Variants in MRPL19 observed in about 807,000 individuals in gnomAD.
MRPL19 encodes large ribosomal subunit protein bL19m.
In MRPL19, 31 loss-of-function variants were observed where a neutral mutation model predicts 34.0. That is an observed-to-expected ratio of 0.91 (90% confidence interval 0.68 to 1.23). The LOEUF is 1.23. MRPL19 is among the 50% of genes most tolerant of loss of function. The pLI is 0.00. For missense variants in MRPL19, 384 were observed against 367.6 expected, an observed-to-expected ratio of 1.04 and a Z score of -0.37; for synonymous variants, 152 against 127.7, an observed-to-expected ratio of 1.19 and a Z score of -1.28.
rs190009412 is a variant in MRPL19 at position 75,658,089 on chromosome 2, C to G, written c.*2804C>G. On this transcript the variant is annotated 3_prime_UTR_variant, in exon 6 of 6. Transcript: ENST00000393909. ...GGTAACCTCAAATCTTTCTTTTTATCTTTGAGACAAGGTCTCATTCTATCA... is the reference window on the plus strand; with the variant it reads ...GGTAACCTCAAATCTTTCTTTTTATGTTTGAGACAAGGTCTCATTCTATCA... Among the ~76,000 whole-genome samples the G allele has an allele frequency of 6.6e-6, 1 of 152,140 alleles. No individual in the cohort carries two copies. The highest frequency in any genetic ancestry group is 1.5e-5 in the Non-Finnish European group (1 of 67,976).
At chr2:75,651,441 C>T (rs548351999) in intron 2 of MRPL19, 10 of 536,738 alleles carry the variant, frequency 1.9e-5, no homozygotes, top group South Asian at 1.4e-4. Flanking sequence ...CTGGACTCAT[C>T]ATTGCAATGA....
At chr2:75,647,477 A>G (rs1678249194) in intron 2 of MRPL19, 3 of 478,752 alleles carry the variant, frequency 6.3e-6, no homozygotes, top group South Asian at 5.6e-5. Context: ...TCTCTGTGGT[A>G]TTTGTCCTGT....
chr2:75,647,088 G>C lies in MRPL19; in HGVS notation c.104-14G>C. 6.4e-7 allele frequency: 1 copy of C among 1,572,192 alleles called. No homozygotes were observed. The highest frequency in any genetic ancestry group is 1.2e-5 in the South Asian group (1 of 85,970). On this transcript the variant is annotated splice_polypyrimidine_tract_variant and intron_variant, in intron 1 of 5. Coordinates refer to ENST00000393909, the MANE Select transcript of MRPL19 (RefSeq NM_014763.4). ...TGGCACGAGAGTTCTGACCTCCGTCGTCCGCTCCCGCAGGGGTCCACGCGG... is the reference window on the plus strand; with the variant it reads ...TGGCACGAGAGTTCTGACCTCCGTCCTCCGCTCCCGCAGGGGTCCACGCGG...
chr2:75,651,278 G>A (rs1678327105), intron 2 of MRPL19: 59 of 504,974 alleles, frequency 1.2e-4, no homozygotes, highest in South Asian at 8.3e-4. Flanking sequence ...TCAGGGACAC[G>A]ATGTGCTGCA....
rs113977359 is a variant in MRPL19 at position 75,647,635 on chromosome 2, A to G, written c.221+416A>G. On this transcript the variant is annotated intron_variant, in intron 2 of 5. Coordinates refer to ENST00000393909, the MANE Select transcript of MRPL19 (RefSeq NM_014763.4). ...TGGTTTAGGTTGGAAGTTTTGGCAG[A>G]CAAAGCACAGTAAAACTGGCCACTA... is the stretch of plus-strand genomic sequence containing the variant. 4.9e-3 allele frequency: 785 copies of G among 158,972 alleles called. 7 individuals are homozygous for G. Among genetic ancestry groups the G allele is most frequent in the African/African-American group, 0.016 (665 of 41,854 alleles). The allele number at this position is 158,972 out of a possible 1,614,324, so 9.8% of individuals were successfully genotyped here. A position where few individuals can be genotyped will look rare whatever the true frequency, so the allele number is the denominator to read the frequency against.
intron 2 of MRPL19, chr2:75,651,311 T>C (rs1203359155): frequency 3.8e-6 from 2 of 520,324 alleles, no homozygotes; most frequent in African/African-American, 3.9e-5. Flanking sequence ...GATTTGTAGG[T>C]CTCTCCTCGA....
chr2:75,659,409 A>G lies in MRPL19; in HGVS notation c.*4124A>G, dbSNP rs1372470257. Among the ~76,000 whole-genome samples the G allele has an allele frequency of 6.6e-6, 1 of 152,134 alleles. No homozygotes were observed. The highest frequency in any genetic ancestry group is 2.4e-5 in the African/African-American group (1 of 41,434). ...AGGAAATAAAAAGTGGAGTTAGAAA[A>G]CAGTATGATAGTAATACTGACTTTT... On this transcript the variant is annotated 3_prime_UTR_variant, in exon 6 of 6. Coordinates refer to ENST00000393909, the MANE Select transcript of MRPL19 (RefSeq NM_014763.4).
Position 75,659,984 on chromosome 2 carries a change from T to C in MRPL19, c.*4699T>C, listed in dbSNP as rs1412762000. Among the ~76,000 whole-genome samples, 2 of 152,192 alleles carry C rather than the reference T, an allele frequency of 1.3e-5. No homozygotes were observed. Among genetic ancestry groups the C allele is most frequent in the Admixed American group, 1.3e-4 (2 of 15,266 alleles). ...CTGCTTCTTTCTTTTCCTTCTGAAA[T>C]ATTCTTAATGTATATGTTGGTCTGT... is the stretch of plus-strand genomic sequence containing the variant. On this transcript the variant is annotated 3_prime_UTR_variant, in exon 6 of 6. Transcript: ENST00000393909.
At chr2:75,650,276 TAAA>T (rs998146807) in intron 2 of MRPL19, among the ~76,000 whole-genome samples, 2 of 136,094 alleles carry the variant, frequency 1.5e-5, no homozygotes, top group Non-Finnish European at 3.2e-5. Flanking sequence ...TAAAATCAGT[TAAA>T]GAAGAAAAAA....
Position 75,659,199 on chromosome 2 carries a change from G to A in MRPL19, c.*3914G>A, listed in dbSNP as rs1402517369. On this transcript the variant is annotated 3_prime_UTR_variant, in exon 6 of 6. Transcript: ENST00000393909. Reference sequence around the variant, plus strand: ...GATGTTTTATTTGTGGTTGCTATGGGGATTATAGTTAACATCCTACACTTA... The same window carrying A: ...GATGTTTTATTTGTGGTTGCTATGGAGATTATAGTTAACATCCTACACTTA... Among the ~76,000 whole-genome samples the A allele has an allele frequency of 6.6e-6, 1 of 151,460 alleles. No homozygotes were observed. The highest frequency in any genetic ancestry group is 2.4e-5 in the African/African-American group (1 of 41,188).
Position 75,661,179 on chromosome 2 carries a change from G to A in MRPL19, c.*5894G>A, listed in dbSNP as rs111982426. 1 of 152,130 alleles carries A rather than the reference G, an allele frequency of 6.6e-6. No individual in the cohort carries two copies. Among genetic ancestry groups the A allele is most frequent in the African/African-American group, 2.4e-5 (1 of 41,430 alleles). The allele number at this position is 152,130 out of a possible 1,614,324, so 9.4% of individuals were successfully genotyped here. A position where few individuals can be genotyped will look rare whatever the true frequency, so the allele number is the denominator to read the frequency against. On this transcript the variant is annotated 3_prime_UTR_variant, in exon 6 of 6. Transcript: ENST00000393909. ...ACTGCTGCAACACCAGGGAGCTTGT[G>A]GGGGAAGGGCAAGCAGAAATGTCAC...
At chr2:75,654,593 A>G (rs1678397400) in intron 4 of MRPL19, 143 bp from the exon 5 acceptor site, 1 of 643,288 alleles carries the variant, frequency 1.6e-6, no homozygotes, top group Admixed American at 3.3e-5. Flanking sequence ...AGTAATCTTT[A>G]TCTTAAAAAT....
Position 75,646,880 on chromosome 2 carries a change from C to G in MRPL19, c.73C>G (p.Leu25Val). 6.3e-7 allele frequency: 1 copy of G among 1,594,180 alleles called. No homozygotes were observed. Among genetic ancestry groups the G allele is most frequent in the Non-Finnish European group, 8.5e-7 (1 of 1,170,774 alleles). ...CCGGAGTTTCCAAGCCGCCAGGACT[C>G]TGCTCCCCCCGCCGGCCTCTATCGC... ...LGRSFQAART[L>V]LPPPASIACR... Residue 25 changes from leucine (L) to valine (V), a missense_variant, in exon 1 of 6, where the codon CTG becomes GTG. Physicochemically the swap from Leu to Val is conservative, Grantham distance 32 (BLOSUM62 1). Coordinates refer to ENST00000393909, the MANE Select transcript of MRPL19 (RefSeq NM_014763.4).
rs1678429265 is a variant in MRPL19 at position 75,655,496 on chromosome 2, T to C, written c.*211T>C. Reference sequence around the variant, plus strand: ...ACATGCCAAATGGACCAATGTCCATTTGCTTATTGGAGGCAAAGCTACAAT... The same window carrying C: ...ACATGCCAAATGGACCAATGTCCATCTGCTTATTGGAGGCAAAGCTACAAT... On this transcript the variant is annotated 3_prime_UTR_variant, in exon 6 of 6. Coordinates refer to ENST00000393909, the MANE Select transcript of MRPL19 (RefSeq NM_014763.4). The C allele has an allele frequency of 2.3e-6, 1 of 438,112 alleles. No individual in the cohort carries two copies. Among genetic ancestry groups the C allele is most frequent in the African/African-American group, 2.0e-5 (1 of 48,994 alleles). 27.1% of individuals were successfully genotyped at this position (438,112 alleles called of 1,614,324 possible). A position where few individuals can be genotyped will look rare whatever the true frequency, so the allele number is the denominator to read the frequency against.
chr2:75,652,094 A>T, intron 2 of MRPL19, 48 bp from the exon 3 acceptor site: 1 of 1,129,476 alleles, frequency 8.9e-7, no homozygotes, highest in Non-Finnish European at 1.3e-6. Flanking sequence ...TTTTTCTTCT[A>T]GCAGCCTTTT....
chr2:75,651,913 T>A (rs1558719880), intron 2 of MRPL19: 1 of 313,326 alleles, frequency 3.2e-6, no homozygotes, highest in East Asian at 6.5e-5. Flanking sequence ...GAAGGATTAA[T>A]TTATGCTATA....
In MRPL19 at chr2:75,655,459, A is replaced by C; in HGVS notation, c.*174A>C. On this transcript the variant is annotated 3_prime_UTR_variant, in exon 6 of 6. Coordinates refer to ENST00000393909, the MANE Select transcript of MRPL19 (RefSeq NM_014763.4). ...CTTGTACACCAGTTTATTACTCTAA[A>C]AAGAGAATTACACATGCCAAATGGA... The C allele has an allele frequency of 1.9e-6, 1 of 540,520 alleles. No individual in the cohort carries two copies. Among genetic ancestry groups the C allele is most frequent in the Non-Finnish European group, 3.2e-6 (1 of 313,908 alleles). 33.5% of individuals were successfully genotyped at this position (540,520 alleles called of 1,614,324 possible).
chr2:75,647,392 A>G, intron 2 of MRPL19, 173 bp downstream of exon 2: 2 of 616,446 alleles, frequency 3.2e-6, no homozygotes, highest in Non-Finnish European at 5.5e-6. Flanking sequence ...CTTCTCCCCA[A>G]GCCAGCATTG....
In MRPL19 at chr2:75,659,870, T is replaced by TA. The variant is rs1558723659; in HGVS notation, c.*4586dup. 1.3e-5 allele frequency among the ~76,000 whole-genome samples: 2 copies of TA among 152,278 alleles called. No individual in the cohort carries two copies. The highest frequency in any genetic ancestry group is 2.1e-4 in the South Asian group (1 of 4,828). On this transcript the variant is annotated 3_prime_UTR_variant, in exon 6 of 6. Coordinates refer to ENST00000393909, the MANE Select transcript of MRPL19 (RefSeq NM_014763.4). ...TGTGGGTCTCTGAGTTTATCCCACTTAGAGTTTGTTGAGTTTCTTGGAGTC... is the reference window on the plus strand; with the variant it reads ...TGTGGGTCTCTGAGTTTATCCCACTTAAGAGTTTGTTGAGTTTCTTGGAGTC...
Sources: gnomAD v4.1 joint callset for allele counts (sites outside exome capture counted in the v4.1 genomes callset) on GRCh38, gnomAD v4.1.1 for gene constraint, MANE v1.5 for transcripts, NCBI Gene and HGNC (gene_info 2026-07-23, HGNC 2026-07-21) for gene names.